The following TRAF3IP2 variants were observed in gnomAD, a reference collection of about 807,000 sequenced individuals.
TRAF3IP2 encodes E3 ubiquitin ligase TRAF3IP2.
Under a neutral mutation model 57.9 loss-of-function variants are expected in TRAF3IP2, and 35 were observed. That is an observed-to-expected ratio of 0.60 (90% CI 0.46 to 0.80). The LOEUF is 0.80. Among genes scored for constraint, TRAF3IP2 ranks in the 30% least tolerant of loss-of-function variants. The pLI is 0.00. For synonymous variants in TRAF3IP2, 251 were observed against 268.9 expected (o/e 0.93, Z 0.65); for missense variants, 556 against 706.4 (o/e 0.79, Z 2.41).
chr6:111,558,968 G>GAATCAGTTTAT lies in TRAF3IP2; in HGVS notation c.*436_*437insATAAACTGATT, dbSNP rs1290681562. 24 of 154,698 alleles carry GAATCAGTTTAT rather than the reference G, an allele frequency of 1.6e-4. No individual in the cohort carries two copies. 9.6% of individuals were successfully genotyped at this position (154,698 alleles called of 1,614,324 possible). On this transcript the variant is annotated 3_prime_UTR_variant, in exon 9 of 9. Coordinates refer to ENST00000368761, the MANE Select transcript of TRAF3IP2 (RefSeq NM_147686.4). ...CAAAAGAGTAAACATTTTATTATTT[G>GAATCAGTTTAT]TACATGAATCAGTTTGGTCTGAGGA...
intron 5 of TRAF3IP2, among the ~76,000 whole-genome samples, chr6:111,571,809 T>C (rs1795840913): frequency 2.0e-5 from 3 of 151,676 alleles, no homozygotes; most frequent in Admixed American, 2.0e-4. Flanking sequence ...GGTGGGCACC[T>C]GTAATCCTAG....
At chr6:111,600,139 A>G (rs1268567144) in intron 1 of TRAF3IP2, 2 of 152,260 alleles carry the variant, frequency 1.3e-5, no homozygotes, top group Non-Finnish European at 2.9e-5. Flanking sequence ...AGCCTGGCAC[A>G]TATCAAGCTC....
At chr6:111,592,155 TTTATGA>T in intron 1 of TRAF3IP2, 61 bp from the exon 2 acceptor site, 1 of 1,414,468 alleles carries the variant, frequency 7.1e-7, no homozygotes, top group Non-Finnish European at 9.7e-7. Context: ...GAGTCCTCAC[TTTATGA>T]CCTTAAGGGA....
chr6:111,585,227 A>G (rs183015349), intron 2 of TRAF3IP2, among the ~76,000 whole-genome samples: 38 of 152,250 alleles, frequency 2.5e-4, no homozygotes, highest in Admixed American at 2.4e-3. Flanking sequence ...TGTGAATTCC[A>G]TGAAAACAAG....
At chr6:111,594,132 C>CCAAAAA (rs1796608324) in intron 1 of TRAF3IP2, among the ~76,000 whole-genome samples, 1 of 124,020 alleles carries the variant, frequency 8.1e-6, no homozygotes, top group South Asian at 2.7e-4. Flanking sequence ...ACTCCATCTC[C>CCAAAAA]AAAAAAAAAA....
chr6:111,566,980 C>T (rs2128371688), intron 6 of TRAF3IP2: 3 of 284,442 alleles, frequency 1.1e-5, no homozygotes, highest in South Asian at 7.2e-5. Context: ...CACATTAGCA[C>T]AGTCAGTAGG....
At chr6:111,603,816 C>T (rs1421033239) in intron 1 of TRAF3IP2, among the ~76,000 whole-genome samples, 1 of 152,204 alleles carries the variant, frequency 6.6e-6, no homozygotes, top group African/African-American at 2.4e-5. Context: ...TCAGACCTCA[C>T]TTCTGTTTAA....
chr6:111,567,845 T>C (rs1051598499), intron 5 of TRAF3IP2, among the ~76,000 whole-genome samples, 153 bp from the exon 6 acceptor site: 21 of 152,216 alleles, frequency 1.4e-4, no homozygotes, highest in Admixed American at 1.2e-3. Context: ...AAACAAAATA[T>C]AATTTTCTGA....
chr6:111,555,795 C>G lies in TRAF3IP2; in HGVS notation c.*3610G>C, dbSNP rs1347642196. ...GTGTTAATCTTATTGTCAGTGCTCT[C>G]AAATAGTTGTTACAATTCCTTTGAT... On this transcript the variant is annotated 3_prime_UTR_variant, in exon 9 of 9. Coordinates refer to ENST00000368761, the MANE Select transcript of TRAF3IP2 (RefSeq NM_147686.4). 6.6e-6 allele frequency among the ~76,000 whole-genome samples: 1 copy of G among 152,126 alleles called. No homozygotes were observed. The highest frequency in any genetic ancestry group is 1.5e-5 in the Non-Finnish European group (1 of 68,012).
chr6:111,563,062 G>T (rs577826466), intron 7 of TRAF3IP2, 23 bp from the exon 8 acceptor site: 4 of 1,585,438 alleles, frequency 2.5e-6, no homozygotes, highest in African/African-American at 2.7e-5. Context: ...AAATGTGAAG[G>T]TTTAATTTCA....
intron 7 of TRAF3IP2, among the ~76,000 whole-genome samples, chr6:111,564,541 A>C (rs1040894929): frequency 6.6e-6 from 1 of 152,220 alleles, no homozygotes; most frequent in Non-Finnish European, 1.5e-5. Context: ...GTTACTCATC[A>C]GTACCTCTGC....
intron 4 of TRAF3IP2, chr6:111,574,657 T>C (rs4945884): frequency 0.79 from 119,684 of 152,224 alleles, 47,580 homozygotes; most frequent in East Asian, 1. Flanking sequence ...TGCTAACTTA[T>C]GGTGAGATGC....
intron 7 of TRAF3IP2, among the ~76,000 whole-genome samples, chr6:111,564,164 GCA>G (rs10671013): frequency 1.3e-5 from 2 of 150,272 alleles, no homozygotes; most frequent in South Asian, 2.1e-4. Flanking sequence ...AGTTGCATAC[GCA>G]CACACACACA....
In TRAF3IP2 at chr6:111,557,125, C is replaced by G; in HGVS notation, c.*2280G>C. The G allele has an allele frequency of 6.9e-6, 1 of 144,474 alleles. No homozygotes were observed. The highest frequency in any genetic ancestry group is 1.5e-5 in the Non-Finnish European group (1 of 66,238). 8.9% of individuals were successfully genotyped at this position (144,474 alleles called of 1,614,324 possible). A position where few individuals can be genotyped will look rare whatever the true frequency, so the allele number is the denominator to read the frequency against. ...CCTGGGAAAGAGTGAGACCCTGTCT[C>G]AAAAAAAAGAAAAAAAAAACAAAAC... On this transcript the variant is annotated 3_prime_UTR_variant, in exon 9 of 9. Coordinates refer to ENST00000368761, the MANE Select transcript of TRAF3IP2 (RefSeq NM_147686.4).
At chr6:111,567,404 T>C in intron 6 of TRAF3IP2, 3 of 1,297,586 alleles carry the variant, frequency 2.3e-6, no homozygotes, top group Non-Finnish European at 2.9e-6. Flanking sequence ...CAACCACCTG[T>C]GTCTGGTTTG....
intron 1 of TRAF3IP2, among the ~76,000 whole-genome samples, chr6:111,593,691 C>G (rs1167778763): frequency 6.6e-6 from 1 of 152,152 alleles, no homozygotes; most frequent in Non-Finnish European, 1.5e-5. Flanking sequence ...CTTTCCCTGT[C>G]CTTGTCCTTT....
intron 1 of TRAF3IP2, chr6:111,601,771 C>A (rs1796872798): frequency 6.6e-6 from 1 of 152,180 alleles, no homozygotes; most frequent in African/African-American, 2.4e-5. Flanking sequence ...TACTTCGGAT[C>A]AGAAACTTTC....
rs74321424 is a variant in TRAF3IP2, at chr6:111,594,425, C to A, written c.-8-2331G>T. 42 of 408,648 alleles carry A rather than the reference C, an allele frequency of 1.0e-4. 1 individual carries two copies. The East Asian group carries it at 1.9e-3, about 18-fold the overall frequency. The allele number at this position is 408,648 out of a possible 1,614,324, so 25.3% of individuals were successfully genotyped here. A position where few individuals can be genotyped will look rare whatever the true frequency, so the allele number is the denominator to read the frequency against. On this transcript the variant is annotated intron_variant, in intron 1 of 8. Coordinates refer to ENST00000368761, the MANE Select transcript of TRAF3IP2 (RefSeq NM_147686.4). ...CTCACTCTTCAGGTACAACTATTTC[C>A]ATTCTCACTGGGTTTTCCAGTGTGA...
rs566584632 is a variant in TRAF3IP2 at position 111,567,696 on chromosome 6, CA to C, written c.1291-5del. On this transcript the variant is annotated splice_region_variant and splice_polypyrimidine_tract_variant and intron_variant, in intron 5 of 8. Transcript: ENST00000368761. ...TTCTATCCTCAAATATGTCAATCTG[CA>C]AAAAAAAAGATGTGGGAGTTGGCCC... 3.3e-4 allele frequency: 509 copies of C among 1,529,754 alleles called. No individual in the cohort carries two copies. The highest frequency in any genetic ancestry group is 1.4e-3 in the Admixed American group (75 of 51,944). 94.8% of individuals were successfully genotyped at this position (1,529,754 alleles called of 1,614,324 possible).
Sources: gnomAD v4.1 joint callset for allele counts (sites outside exome capture counted in the v4.1 genomes callset) on GRCh38, gnomAD v4.1.1 for gene constraint, MANE v1.5 for transcripts, NCBI Gene and HGNC (gene_info 2026-07-23, HGNC 2026-07-21) for gene names.